GLCE: variants seen among roughly 807,000 people sequenced by gnomAD.
GLCE encodes the protein D-glucuronyl C5-epimerase.
In GLCE, 19 loss-of-function variants were observed where a neutral mutation model predicts 47.9. That is an observed-to-expected ratio of 0.40 (90% confidence interval 0.28 to 0.58). The LOEUF (loss-of-function observed/expected upper bound fraction) is 0.58, where lower values mean the gene tolerates loss of function less well. GLCE is among the 20% of genes least tolerant of loss of function. GLCE has a pLI of 0.48. For synonymous variants in GLCE, 245 were observed against 263.4 expected, an observed-to-expected ratio of 0.93 and a Z score of 0.68; for missense variants, 556 against 743.3, an observed-to-expected ratio of 0.75 and a Z score of 2.93.
chr15:69,267,246 C>T (rs993931042), intron 4 of GLCE, among the ~76,000 whole-genome samples: 49 of 152,172 alleles, frequency 3.2e-4, no homozygotes, highest in Non-Finnish European at 1.3e-4. Context: ...CCAGTGGCTT[C>T]GGAATAATAA....
intron 4 of GLCE, among the ~76,000 whole-genome samples, chr15:69,264,396 G>GCACA (rs150224477): frequency 6.6e-6 from 1 of 150,714 alleles, no homozygotes; most frequent in African/African-American, 2.4e-5. Flanking sequence ...GTGTGCACGT[G>GCACA]CACACACACA....
intron 2 of GLCE, among the ~76,000 whole-genome samples, chr15:69,216,574 T>A (rs954685070): frequency 1.3e-5 from 2 of 152,248 alleles, no homozygotes; most frequent in African/African-American, 4.8e-5. Flanking sequence ...TGTAAAGACC[T>A]ATGTTTAACC....
intron 1 of GLCE, among the ~76,000 whole-genome samples, chr15:69,187,782 G>C (rs980588435): frequency 6.6e-6 from 1 of 152,118 alleles, no homozygotes; most frequent in African/African-American, 2.4e-5. Context: ...ACTACTTGGG[G>C]CCGGCCATGG....
At chr15:69,261,407 G>A in intron 4 of GLCE, 78 bp downstream of exon 4, 4 of 1,397,874 alleles carry the variant, frequency 2.9e-6, no homozygotes, top group South Asian at 1.4e-5. Context: ...ATTTTAATAT[G>A]GTTTAAAAAA....
At chr15:69,234,287 AT>A (rs1238740077) in intron 2 of GLCE, among the ~76,000 whole-genome samples, 1 of 151,772 alleles carries the variant, frequency 6.6e-6, no homozygotes, top group South Asian at 2.1e-4. Flanking sequence ...CCAGAAGATT[AT>A]TTTTTTTTAA....
chr15:69,215,063 C>G (rs957010700), intron 2 of GLCE, among the ~76,000 whole-genome samples: 3 of 152,148 alleles, frequency 2.0e-5, no homozygotes, highest in Non-Finnish European at 4.4e-5. Context: ...TTGGGTTTCC[C>G]TGATATCCTA....
At chr15:69,187,887 A>T (rs901997770) in intron 1 of GLCE, among the ~76,000 whole-genome samples, 2 of 151,982 alleles carry the variant, frequency 1.3e-5, no homozygotes, top group African/African-American at 4.8e-5. Context: ...ACATGGTGAA[A>T]CCCCGTCTCT....
chr15:69,238,235 A>G (rs1018973946), intron 2 of GLCE, among the ~76,000 whole-genome samples: 2 of 152,186 alleles, frequency 1.3e-5, no homozygotes, highest in African/African-American at 4.8e-5. Flanking sequence ...AACCAAGGGT[A>G]AATCTTTCTG....
intron 2 of GLCE, among the ~76,000 whole-genome samples, chr15:69,220,911 ATTTATG>A (rs988572020): frequency 3.3e-5 from 5 of 152,290 alleles, no homozygotes; most frequent in African/African-American, 1.2e-4. Flanking sequence ...TAGTTTTAGA[ATTTATG>A]TTTAAGTCTT....
chr15:69,199,485 A>G (rs905837371), intron 1 of GLCE, among the ~76,000 whole-genome samples: 2 of 152,318 alleles, frequency 1.3e-5, no homozygotes, highest in African/African-American at 4.8e-5. Flanking sequence ...AGCATCATCA[A>G]TCAGATCATG....
At position 69,268,545 on chromosome 15, in the gene GLCE, A is replaced by G. The variant is rs867209442; in HGVS notation, c.1155A>G (p.Ala385=). ...CCAAGAAGGTGGTTAGGTTGATTGC[A>G]AAAGGTAAGGGATTCCTCGACAACA... The part of the protein sequence containing the change: ...IMPKKVVRLI[A]KGKGFLDNIT... Residue 385 remains alanine, a synonymous_variant, in exon 5 of 5, where the codon GCA becomes GCG. Coordinates refer to ENST00000261858, the MANE Select transcript of GLCE (RefSeq NM_015554.3). 1 of 1,614,234 alleles carries G rather than the reference A, an allele frequency of 6.2e-7. No homozygotes were observed. The highest frequency in any genetic ancestry group is 8.5e-7 in the Non-Finnish European group (1 of 1,180,042).
At chr15:69,181,646 G>C (rs1489716259) in intron 1 of GLCE, among the ~76,000 whole-genome samples, 1 of 152,172 alleles carries the variant, frequency 6.6e-6, no homozygotes, top group Non-Finnish European at 1.5e-5. Flanking sequence ...AGGTTTGATA[G>C]AGTGGTGGGG....
intron 1 of GLCE, among the ~76,000 whole-genome samples, chr15:69,175,079 T>C (rs1434425025): frequency 6.6e-6 from 1 of 152,174 alleles, no homozygotes; most frequent in Admixed American, 6.5e-5. Flanking sequence ...GGTTGAATTT[T>C]AGCTAATGTT....
At chr15:69,197,005 T>C (rs1024988134) in intron 1 of GLCE, 50 of 315,980 alleles carry the variant, frequency 1.6e-4, no homozygotes, top group Middle Eastern at 1.1e-3. Context: ...GATGGTCTGC[T>C]GCCGGTCTGA....
chr15:69,269,198 A>G lies in GLCE; in HGVS notation c.1808A>G (p.Lys603Arg). ...DESPVFKEFV[K>R]RWKSYLKGSR... ...TCCCCAGTCTTCAAAGAATTTGTCA[A>G]GAGGTGGAAAAGCTACCTTAAAGGC... Residue 603 changes from lysine to arginine, a missense_variant, in exon 5 of 5, where the codon AAG (lysine) becomes AGG (arginine). Lys to Arg is a conservative substitution (Grantham distance 26). This residue lies in a region of GLCE where 245 missense variants were observed against 368.1 expected (regional missense o/e 0.67). Transcript: ENST00000261858. The G allele has an allele frequency of 6.2e-7, 1 of 1,614,162 alleles. No individual in the cohort carries two copies.
At position 69,263,611 on chromosome 15, in the gene GLCE, TATTAA is replaced by T. The variant is rs564334808; in HGVS notation, c.829+2292_829+2296del. 2.1e-3 allele frequency among the ~76,000 whole-genome samples: 316 copies of T among 152,322 alleles called. 1 individual carries two copies. Among genetic ancestry groups the T allele is most frequent in the Non-Finnish European group, 3.5e-3 (239 of 68,024 alleles). On this transcript the variant is annotated intron_variant, in intron 4 of 4. Transcript: ENST00000261858. ...TTGAAACTTTAGGCCTGTCCTACTC[TATTAA>T]ATTAAATTAGCTTTCCCTTTCCCCA...
chr15:69,187,300 A>G (rs932707415), intron 1 of GLCE, among the ~76,000 whole-genome samples: 2 of 152,108 alleles, frequency 1.3e-5, no homozygotes, highest in Admixed American at 1.3e-4. Context: ...TTTCTTTTAC[A>G]TAAGAGATAC....
intron 1 of GLCE, among the ~76,000 whole-genome samples, chr15:69,187,154 G>T (rs2051835849): frequency 6.6e-6 from 1 of 152,096 alleles, no homozygotes; most frequent in Non-Finnish European, 1.5e-5. Context: ...ATTACTATTG[G>T]TTTGAAACTG....
intron 1 of GLCE, among the ~76,000 whole-genome samples, chr15:69,162,593 G>A (rs888793879): frequency 4.7e-5 from 7 of 150,432 alleles, no homozygotes; most frequent in Non-Finnish European, 1.0e-4. Flanking sequence ...GACTTATTCC[G>A]CCTTCCAGGC....
Sources: gnomAD v4.1 joint callset for allele counts (sites outside exome capture counted in the v4.1 genomes callset) on GRCh38, gnomAD v4.1.1 for gene constraint, gnomAD v4.1.1 regional missense constraint, MANE v1.5 for transcripts, NCBI Gene and HGNC (gene_info 2026-07-23, HGNC 2026-07-21) for gene names.